PDZRN4: variants seen among roughly 807,000 people sequenced by gnomAD.
PDZRN4 encodes the protein PDZ domain containing ring finger 4.
A neutral mutation model predicts 99.0 loss-of-function variants in PDZRN4; 70 were observed. The ratio of observed to expected loss-of-function variants is 0.71; its 90% confidence interval spans 0.58 to 0.86. The LOEUF is 0.86. Among genes scored for constraint, PDZRN4 ranks in the 40% least tolerant of loss-of-function variants. The pLI, the probability that PDZRN4 is intolerant of heterozygous loss-of-function variation, is 0.00. For missense variants in PDZRN4, 1,474 were observed against 1,331.2 expected (o/e 1.11, Z -1.67); for synonymous variants, 551 against 501.6 (o/e 1.10, Z -1.32).
At chr12:41,448,283 A>G (rs1027243373) in intron 3 of PDZRN4, among the ~76,000 whole-genome samples, 3 of 152,040 alleles carry the variant, frequency 2.0e-5, no homozygotes, top group African/African-American at 7.2e-5. Flanking sequence ...GATTTTTCCC[A>G]TCTCTTTTTC....
At chr12:41,347,727 G>A (rs1336621530) in intron 3 of PDZRN4, among the ~76,000 whole-genome samples, 2 of 152,024 alleles carry the variant, frequency 1.3e-5, no homozygotes, top group African/African-American at 2.4e-5. Flanking sequence ...TTATCTCAAG[G>A]TTACAAAGAC....
chr12:41,552,752 G>C lies in PDZRN4; in HGVS notation c.1300G>C (p.Glu434Gln). ...AGAAGACACCGGCATTTATGTCAGC[G>C]AGGTAAGAAACGCCATGGAGGGGAA... ...DEEDTGIYVS[E>Q]VDPNSIAAKD... Residue 434 changes from glutamate to glutamine, a missense_variant and splice_region_variant, in exon 6 of 10, where the codon GAG (glutamate) becomes CAG (glutamine). Physicochemically the swap from Glu to Gln is conservative, Grantham distance 29. Transcript: ENST00000402685. 1.2e-6 allele frequency: 2 copies of C among 1,612,286 alleles called. No homozygotes were observed. Among genetic ancestry groups the C allele is most frequent in the Non-Finnish European group, 1.7e-6 (2 of 1,178,506 alleles).
At position 41,189,119 on chromosome 12, in the gene PDZRN4, T is replaced by C. The variant is rs1591960361; in HGVS notation, c.648+16T>C. 1.3e-6 allele frequency: 2 copies of C among 1,570,726 alleles called. No homozygotes were observed. The highest frequency in any genetic ancestry group is 1.4e-5 in the African/African-American group (1 of 73,872). ...CCACCGCAGGGTAAGCAAAGGGGGG[T>C]GGGCACCGCGGGCATGGTCGATTGG... On this transcript the variant is annotated intron_variant, in intron 1 of 9. Coordinates refer to ENST00000402685, the MANE Select transcript of PDZRN4 (RefSeq NM_001164595.2).
chr12:41,234,497 T>C (rs1018977115), intron 3 of PDZRN4, among the ~76,000 whole-genome samples: 1 of 152,074 alleles, frequency 6.6e-6, no homozygotes, highest in Non-Finnish European at 1.5e-5. Flanking sequence ...GTGGAAAATA[T>C]AAGATTTTCA....
intron 3 of PDZRN4, among the ~76,000 whole-genome samples, chr12:41,421,089 A>G (rs1056597281): frequency 6.6e-6 from 1 of 152,044 alleles, no homozygotes; most frequent in Non-Finnish European, 1.5e-5. Flanking sequence ...CCTCTGTAGC[A>G]TTTCTCTCAT....
At chr12:41,550,245 C>T (rs576285917) in intron 5 of PDZRN4, among the ~76,000 whole-genome samples, 2 of 152,224 alleles carry the variant, frequency 1.3e-5, no homozygotes, top group South Asian at 2.1e-4. Context: ...GAGTTGCTTC[C>T]GTGCTTTGTT....
At chr12:41,448,196 T>C (rs766863052) in intron 3 of PDZRN4, among the ~76,000 whole-genome samples, 19 of 152,178 alleles carry the variant, frequency 1.2e-4, no homozygotes, top group Non-Finnish European at 2.6e-4. Context: ...CCTCGCAATC[T>C]GTTTTGTTTC....
At chr12:41,391,617 C>A (rs1197756538) in intron 3 of PDZRN4, among the ~76,000 whole-genome samples, 4 of 152,014 alleles carry the variant, frequency 2.6e-5, no homozygotes. Context: ...ATTTTTGGAC[C>A]CACTTCTAAC....
intron 3 of PDZRN4, among the ~76,000 whole-genome samples, chr12:41,398,592 C>T (rs1371841774): frequency 2.0e-5 from 3 of 152,138 alleles, no homozygotes; most frequent in African/African-American, 7.2e-5. Context: ...TAATGACTTA[C>T]AAATGCTGCA....
chr12:41,436,083 C>G (rs1952626669), intron 3 of PDZRN4, among the ~76,000 whole-genome samples: 1 of 152,158 alleles, frequency 6.6e-6, no homozygotes, highest in South Asian at 2.1e-4. Flanking sequence ...TTTTTGAAAA[C>G]ATTCTTTCCA....
At chr12:41,208,708 A>T (rs1419559965) in intron 3 of PDZRN4, among the ~76,000 whole-genome samples, 1 of 151,974 alleles carries the variant, frequency 6.6e-6, no homozygotes, top group African/African-American at 2.4e-5. Flanking sequence ...GCTATGTAGT[A>T]CTTTCTCTTT....
chr12:41,470,143 G>A (rs1419700199), intron 3 of PDZRN4, among the ~76,000 whole-genome samples: 1 of 151,844 alleles, frequency 6.6e-6, no homozygotes, highest in Non-Finnish European at 1.5e-5. Flanking sequence ...TATCGAGATG[G>A]GTTTGTCAGA....
chr12:41,456,895 T>C (rs1251773468), intron 3 of PDZRN4, among the ~76,000 whole-genome samples: 1 of 152,194 alleles, frequency 6.6e-6, no homozygotes, highest in Non-Finnish European at 1.5e-5. Context: ...TTATTACTTC[T>C]TGACACTAAC....
chr12:41,188,809 C>A lies in PDZRN4; in HGVS notation c.354C>A (p.Cys118Ter), dbSNP rs764248390. 7.4e-7 allele frequency: 1 copy of A among 1,343,362 alleles called. No homozygotes were observed. 83.2% of individuals were successfully genotyped at this position (1,343,362 alleles called of 1,614,324 possible). ...GCCGGCTCCGCAGCCGCGGGGGCTG[C>A]GCTTCGGGGCTGGGCGGTGGTGAGG... ...PARRLRSRGG[C>*]ASGLGGGEVP... Residue 118 changes from cysteine to a stop codon, truncating the protein, a stop_gained, in exon 1 of 10, where the codon TGC becomes TGA. Coordinates refer to ENST00000402685, the MANE Select transcript of PDZRN4 (RefSeq NM_001164595.2). LOFTEE classifies it high-confidence loss of function.
At chr12:41,305,954 G>A (rs1397407543) in intron 3 of PDZRN4, among the ~76,000 whole-genome samples, 1 of 152,168 alleles carries the variant, frequency 6.6e-6, no homozygotes, top group Non-Finnish European at 1.5e-5. Context: ...TTCCTCTCCA[G>A]CTATAAACCT....
At chr12:41,406,566 C>G (rs1173327955) in intron 3 of PDZRN4, among the ~76,000 whole-genome samples, 4 of 152,118 alleles carry the variant, frequency 2.6e-5, no homozygotes, top group Non-Finnish European at 5.9e-5. Flanking sequence ...GACCTATCAA[C>G]TAGAGAAATT....
intron 3 of PDZRN4, among the ~76,000 whole-genome samples, chr12:41,280,151 G>A (rs1307302343): frequency 1.3e-5 from 2 of 152,124 alleles, no homozygotes; most frequent in Non-Finnish European, 2.9e-5. Flanking sequence ...ATCCCTGAGG[G>A]ACCCTGCCAT....
chr12:41,259,926 T>G (rs1951226671), intron 3 of PDZRN4, among the ~76,000 whole-genome samples: 1 of 152,182 alleles, frequency 6.6e-6, no homozygotes, highest in Non-Finnish European at 1.5e-5. Context: ...TCTATATTTC[T>G]GATAAGAGAG....
intron 8 of PDZRN4, among the ~76,000 whole-genome samples, 185 bp from the exon 9 acceptor site, chr12:41,567,596 TAA>T (rs981920816): frequency 7.4e-5 from 10 of 135,464 alleles, no homozygotes; most frequent in Middle Eastern, 3.8e-3. Context: ...ATAAAAGGCA[TAA>T]GAGTCCTTTT....
Sources: allele counts gnomAD v4.1 joint callset (sites outside exome capture counted in the v4.1 genomes callset), GRCh38; gene constraint gnomAD v4.1.1; transcripts MANE v1.5; gene names NCBI Gene and HGNC (gene_info 2026-07-23, HGNC 2026-07-21).